The following RALGPS2 variants were observed in gnomAD, a reference collection of about 807,000 sequenced individuals.
The protein encoded by RALGPS2 is ras-specific guanine nucleotide-releasing factor RalGPS2.
A neutral mutation model predicts 86.8 loss-of-function variants in RALGPS2; 43 were observed. That is an observed-to-expected ratio of 0.50 (90% CI 0.39 to 0.64). RALGPS2 has a LOEUF of 0.64. Among genes scored for constraint, RALGPS2 ranks in the 30% least tolerant of loss-of-function variants. The probability of loss-of-function intolerance (pLI) is 0.00; values close to 1 mark genes in which losing one functional copy is unlikely to be tolerated. For synonymous variants in RALGPS2, 243 were observed against 231.3 expected (o/e 1.05, Z -0.46); for missense variants, 536 against 694.6 (o/e 0.77, Z 2.57).
At chr1:178,767,822 A>G (rs115321958) in intron 1 of RALGPS2, among the ~76,000 whole-genome samples, 4,602 of 152,296 alleles carry the variant, frequency 0.03, 226 homozygotes, top group African/African-American at 0.1. Context: ...AAGCTGTAGC[A>G]GGTGCAGCTT....
chr1:178,742,159 A>AAGC (rs1412162634), intron 1 of RALGPS2, among the ~76,000 whole-genome samples: 4 of 151,368 alleles, frequency 2.6e-5, no homozygotes, highest in African/African-American at 9.7e-5. Flanking sequence ...AAAGAAGAAG[A>AAGC]AGCAGAAATG....
At position 178,807,947 on chromosome 1, in the gene RALGPS2, G is replaced by C. The variant is rs1186139000; in HGVS notation, c.214-98G>C. ...GTTCCCATTAAATAAAGTGATTCTAGAAAAGAACACAAACTGTCTTTAATG... is the reference window on the plus strand; with the variant it reads ...GTTCCCATTAAATAAAGTGATTCTACAAAAGAACACAAACTGTCTTTAATG... On this transcript the variant is annotated intron_variant, in intron 4 of 19. Transcript: ENST00000367635. 6.3e-6 allele frequency: 5 copies of C among 792,852 alleles called. No individual in the cohort carries two copies. In the East Asian group the frequency reaches 1.0e-4, roughly 16 times the overall value. The allele number at this position is 792,852 out of a possible 1,614,324, so 49.1% of individuals were successfully genotyped here. A position where few individuals can be genotyped will look rare whatever the true frequency, so the allele number is the denominator to read the frequency against.
chr1:178,761,305 T>C (rs1652227665), intron 1 of RALGPS2, among the ~76,000 whole-genome samples: 1 of 152,086 alleles, frequency 6.6e-6, no homozygotes, highest in Non-Finnish European at 1.5e-5. Flanking sequence ...AAATTCTTTT[T>C]GCTGTCCCAG....
chr1:178,765,611 G>A (rs1652464594), intron 1 of RALGPS2, among the ~76,000 whole-genome samples: 1 of 152,178 alleles, frequency 6.6e-6, no homozygotes, highest in Non-Finnish European at 1.5e-5. Flanking sequence ...TTTGAGAGCA[G>A]ATAACCGGTC....
chr1:178,874,923 T>C (rs1472022440), intron 8 of RALGPS2, among the ~76,000 whole-genome samples: 1 of 152,188 alleles, frequency 6.6e-6, no homozygotes, highest in East Asian at 1.9e-4. Context: ...GCAATAATTT[T>C]TGTGAAATCA....
chr1:178,895,961 TTATC>T (rs777917097), intron 16 of RALGPS2, among the ~76,000 whole-genome samples: 1 of 151,998 alleles, frequency 6.6e-6, no homozygotes, highest in African/African-American at 2.4e-5. Context: ...GGATGATAGA[TTATC>T]TAAGAAGAAA....
intron 3 of RALGPS2, among the ~76,000 whole-genome samples, chr1:178,785,235 C>A (rs2102129255): frequency 6.6e-6 from 1 of 152,078 alleles, no homozygotes; most frequent in East Asian, 1.9e-4. Flanking sequence ...GAGCTGTAAT[C>A]ATCATAACAA....
chr1:178,905,411 G>A (rs906987093), intron 18 of RALGPS2, among the ~76,000 whole-genome samples: 3 of 152,166 alleles, frequency 2.0e-5, no homozygotes, highest in African/African-American at 7.2e-5. Flanking sequence ...TATGTAAATT[G>A]TAGCTGTGGC....
At chr1:178,741,587 A>T (rs1651027187) in intron 1 of RALGPS2, among the ~76,000 whole-genome samples, 1 of 152,196 alleles carries the variant, frequency 6.6e-6, no homozygotes, top group Non-Finnish European at 1.5e-5. Flanking sequence ...ATGAAGTGGT[A>T]TATCACCTGA....
intron 8 of RALGPS2, among the ~76,000 whole-genome samples, chr1:178,866,882 C>G (rs1287004779): frequency 6.6e-6 from 1 of 152,138 alleles, no homozygotes; most frequent in African/African-American, 2.4e-5. Flanking sequence ...GAAACAGTTT[C>G]AAGAGCCAAG....
At chr1:178,852,715 G>T in intron 8 of RALGPS2, 1 of 1,613,696 alleles carries the variant, frequency 6.2e-7, no homozygotes, top group Non-Finnish European at 8.5e-7. Context: ...GTCCAGTGTG[G>T]TGAATTGTTT....
chr1:178,898,988 A>T (rs923151694), intron 17 of RALGPS2, among the ~76,000 whole-genome samples: 1 of 151,972 alleles, frequency 6.6e-6, no homozygotes, highest in Non-Finnish European at 1.5e-5. Flanking sequence ...TTAGCTTCAT[A>T]TGGAAAGTAA....
chr1:178,726,801 T>A (rs1446406184), intron 1 of RALGPS2, among the ~76,000 whole-genome samples: 1 of 152,236 alleles, frequency 6.6e-6, no homozygotes, highest in East Asian at 1.9e-4. Flanking sequence ...AGGAAACTTT[T>A]CAGCCCGTGT....
chr1:178,898,778 T>C (rs531302959), intron 17 of RALGPS2, among the ~76,000 whole-genome samples: 1 of 152,082 alleles, frequency 6.6e-6, no homozygotes, highest in Non-Finnish European at 1.5e-5. Context: ...AGCTCTTGCA[T>C]TGAGATAAAG....
At chr1:178,746,656 C>T in intron 1 of RALGPS2, 1 of 768,268 alleles carries the variant, frequency 1.3e-6, no homozygotes, top group East Asian at 2.4e-5. Flanking sequence ...AAATTTATAG[C>T]TGCAGAATAT....
chr1:178,821,416 G>A (rs1424384710), intron 6 of RALGPS2, among the ~76,000 whole-genome samples, 196 bp from the exon 7 acceptor site: 2 of 152,146 alleles, frequency 1.3e-5, no homozygotes, highest in East Asian at 1.9e-4. Flanking sequence ...CAATGCCAGG[G>A]TAGAACATGT....
At chr1:178,836,595 C>T (rs947851828) in intron 8 of RALGPS2, among the ~76,000 whole-genome samples, 1 of 152,268 alleles carries the variant, frequency 6.6e-6, no homozygotes, top group East Asian at 1.9e-4. Context: ...GTTTCTCAAG[C>T]CCCATCTTAA....
chr1:178,821,701 G>T lies in RALGPS2; in HGVS notation c.477G>T (p.Trp159Cys). ...SAPIFRLTKT[W>C]ALLSRKDKTT... ...CAATTTTCAGGTTGACTAAAACATG[G>T]GCGGTGAGTAATATTCTTTAGTTAA... The change falls in exon 7 of 20, where the codon TGG (tryptophan) becomes TGT (cysteine). Residue 159 changes from tryptophan to cysteine, a missense_variant. By Grantham distance (215) the Trp-to-Cys change is radical (BLOSUM62 -2). Transcript: ENST00000367635. 1 of 1,605,706 alleles carries T rather than the reference G, an allele frequency of 6.2e-7. No homozygotes were observed. Among genetic ancestry groups the T allele is most frequent in the Non-Finnish European group, 8.5e-7 (1 of 1,172,800 alleles).
At chr1:178,760,635 A>C (rs1455441906) in intron 1 of RALGPS2, among the ~76,000 whole-genome samples, 1 of 151,852 alleles carries the variant, frequency 6.6e-6, no homozygotes, top group Non-Finnish European at 1.5e-5. Context: ...CCAGTGTGCC[A>C]CTCTATGTCT....
Sources: gnomAD v4.1 joint callset for allele counts (sites outside exome capture counted in the v4.1 genomes callset) on GRCh38, gnomAD v4.1.1 for gene constraint, MANE v1.5 for transcripts, NCBI Gene and HGNC (gene_info 2026-07-23, HGNC 2026-07-21) for gene names.